ADAMTS20: variants seen among roughly 807,000 people sequenced by gnomAD.
ADAMTS20 encodes A disintegrin and metalloproteinase with thrombospondin motifs 20.
A neutral mutation model predicts 260.1 loss-of-function variants in ADAMTS20; 225 were observed. The ratio of observed to expected loss-of-function variants is 0.87; its 90% CI spans 0.78 to 0.97. ADAMTS20 has a LOEUF of 0.97. ADAMTS20 is among the 50% of genes least tolerant of loss of function. The pLI is 0.00. For missense variants in ADAMTS20, 2,400 were observed against 2,337.7 expected (o/e 1.03, Z -0.55); for synonymous variants, 802 against 769.5 (o/e 1.04, Z -0.70).
Position 43,499,132 on chromosome 12 carries a change from C to G in ADAMTS20, c.867+3020G>C, listed in dbSNP as rs1031512342. Among the ~76,000 whole-genome samples the G allele has an allele frequency of 5.9e-5, 9 of 152,208 alleles. No homozygotes were observed. In the South Asian group the frequency reaches 1.9e-3, roughly 32 times the overall value. ...CAAAGTATCTCAAAAGGGAGACTTA[C>G]CCTCCTTAATTTTTCCTCCTACCCC... On this transcript the variant is annotated intron_variant, in intron 4 of 38. Transcript: ENST00000389420.
intron 7 of ADAMTS20, among the ~76,000 whole-genome samples, chr12:43,485,135 A>G (rs1942504320): frequency 6.6e-6 from 1 of 150,700 alleles, no homozygotes; most frequent in South Asian, 2.1e-4. Context: ...CAACAAAACC[A>G]CTACTGAACA....
Position 43,366,049 on chromosome 12 carries a change from G to C in ADAMTS20, c.5538+3241C>G, listed in dbSNP as rs74082608. On this transcript the variant is annotated intron_variant, in intron 37 of 38. Transcript: ENST00000389420. ...ATGTAAATCCAGACATAGCGATAGT[G>C]ATGTTAAAAAAATCCAATCAAAGGC... 6.3e-3 allele frequency among the ~76,000 whole-genome samples: 952 copies of C among 151,818 alleles called. 16 individuals carry two copies. The highest frequency in any genetic ancestry group is 0.02 in the Middle Eastern group (6 of 294).
intron 3 of ADAMTS20, among the ~76,000 whole-genome samples, chr12:43,513,895 AC>A (rs796924943): frequency 1.6e-5 from 2 of 125,532 alleles, no homozygotes; most frequent in African/African-American, 6.0e-5. Context: ...GGAACATCAC[AC>A]CCCCAGGCCT....
At chr12:43,465,508 T>A (rs1238938454) in intron 9 of ADAMTS20, among the ~76,000 whole-genome samples, 1 of 152,130 alleles carries the variant, frequency 6.6e-6, no homozygotes, top group Non-Finnish European at 1.5e-5. Flanking sequence ...TGTGGAAATA[T>A]ACAGCTATTC....
chr12:43,440,107 A>G, intron 16 of ADAMTS20, 38 bp from the exon 17 acceptor site: 1 of 1,383,164 alleles, frequency 7.2e-7, no homozygotes, highest in Non-Finnish European at 9.8e-7. Flanking sequence ...AAATAGTAAC[A>G]CCAATCAACA....
At chr12:43,526,463 A>T (rs552970180) in intron 3 of ADAMTS20, among the ~76,000 whole-genome samples, 4 of 152,314 alleles carry the variant, frequency 2.6e-5, no homozygotes, top group African/African-American at 9.6e-5. Flanking sequence ...GTCTCAAAAA[A>T]AAAATAGGAA....
intron 29 of ADAMTS20, among the ~76,000 whole-genome samples, chr12:43,385,258 T>C (rs1940447261): frequency 6.6e-6 from 1 of 152,246 alleles, no homozygotes; most frequent in Admixed American, 6.5e-5. Context: ...ATGTCTTCTT[T>C]TGAAAAGGGT....
At chr12:43,487,029 A>C (rs117756676) in intron 7 of ADAMTS20, among the ~76,000 whole-genome samples, 4,225 of 152,286 alleles carry the variant, frequency 0.028, 92 homozygotes, top group African/African-American at 0.054. Context: ...TTCTCAAAGA[A>C]CTAAAAATAG....
chr12:43,420,921 C>T (rs1332031837), intron 28 of ADAMTS20, among the ~76,000 whole-genome samples: 2 of 149,986 alleles, frequency 1.3e-5, no homozygotes, highest in African/African-American at 4.9e-5. Flanking sequence ...GATTCTTCTG[C>T]CTCAGCCTCC....
rs762006889 is a variant in ADAMTS20 at position 43,550,913 on chromosome 12, C to A, written c.449G>T (p.Gly150Val). 75 of 1,553,706 alleles carry A rather than the reference C, an allele frequency of 4.8e-5. No individual in the cohort carries two copies. Among genetic ancestry groups the A allele is most frequent in the South Asian group, 1.5e-4 (12 of 82,624 alleles). Residue 150 changes from glycine (G) to valine (V), a missense_variant, in exon 2 of 39, where the codon GGC becomes GTC. Physicochemically the swap from Gly to Val is moderately radical, Grantham distance 109 (BLOSUM62 -3). Coordinates refer to ENST00000389420, the MANE Select transcript of ADAMTS20 (RefSeq NM_025003.5). ...DYKAVVSLCG[G>V]LTGTFKGQNG... The stretch of plus-strand genomic sequence containing the variant: ...AAGGGACCCGAGGACACTCACCAGG[C>A]CTCCGCATAAGCTGACGACGGCCTT...
At chr12:43,391,495 T>G (rs1051941675) in intron 29 of ADAMTS20, among the ~76,000 whole-genome samples, 3 of 152,174 alleles carry the variant, frequency 2.0e-5, no homozygotes, top group Non-Finnish European at 4.4e-5. Context: ...AGTAAAGCCA[T>G]ATAATAACAG....
chr12:43,469,065 T>C (rs1592085027), intron 7 of ADAMTS20, among the ~76,000 whole-genome samples: 1 of 152,080 alleles, frequency 6.6e-6, no homozygotes, highest in Non-Finnish European at 1.5e-5. Flanking sequence ...ATGTGTTGAT[T>C]GGTAATAGAA....
chr12:43,374,208 G>T (rs1264673544), intron 36 of ADAMTS20, among the ~76,000 whole-genome samples: 1 of 152,022 alleles, frequency 6.6e-6, no homozygotes, highest in Non-Finnish European at 1.5e-5. Context: ...GTAGTAGATG[G>T]TGGATGTTCA....
intron 28 of ADAMTS20, among the ~76,000 whole-genome samples, chr12:43,421,136 A>C (rs1206648424): frequency 6.6e-6 from 1 of 151,614 alleles, no homozygotes; most frequent in Non-Finnish European, 1.5e-5. Context: ...CAGTGCTTCT[A>C]TTTGTTGCAT....
chr12:43,394,424 C>CTGTTAATG, intron 29 of ADAMTS20, among the ~76,000 whole-genome samples: 1 of 152,234 alleles, frequency 6.6e-6, no homozygotes, highest in Middle Eastern at 3.4e-3. Context: ...CATCATCCTT[C>CTGTTAATG]TGTTAATGTA....
At chr12:43,408,907 A>G (rs946052982) in intron 28 of ADAMTS20, among the ~76,000 whole-genome samples, 2 of 152,060 alleles carry the variant, frequency 1.3e-5, no homozygotes, top group Non-Finnish European at 2.9e-5. Context: ...GTCAGAAGCT[A>G]TGATAATAAT....
chr12:43,377,602 C>T (rs1940259044), intron 31 of ADAMTS20, 40 bp from the exon 32 acceptor site: 1 of 1,545,772 alleles, frequency 6.5e-7, no homozygotes, highest in Non-Finnish European at 8.8e-7. Context: ...ATGTCATTAA[C>T]TTTAGCCAGG....
At position 43,466,613 on chromosome 12, in the gene ADAMTS20, T is replaced by C. The variant is rs766380662; in HGVS notation, c.1367+39A>G. On this transcript the variant is annotated intron_variant, in intron 9 of 38. Transcript: ENST00000389420. The stretch of plus-strand genomic sequence containing the variant: ...AAAATATCAATTTCAAATCTTATAA[T>C]CGAATACATGTTCAATTATTTAACA... The C allele has an allele frequency of 2.6e-6, 4 of 1,556,178 alleles. No individual in the cohort carries two copies. In the South Asian group the frequency reaches 4.7e-5, roughly 18 times the overall value.
At chr12:43,404,386 A>G (rs1426668003) in intron 28 of ADAMTS20, among the ~76,000 whole-genome samples, 1 of 152,194 alleles carries the variant, frequency 6.6e-6, no homozygotes, top group Non-Finnish European at 1.5e-5. Context: ...CTGGCACCAC[A>G]TGAACTGATT....
Sources: allele counts gnomAD v4.1 joint callset (sites outside exome capture counted in the v4.1 genomes callset), GRCh38; gene constraint gnomAD v4.1.1; transcripts MANE v1.5; gene names NCBI Gene and HGNC (gene_info 2026-07-23, HGNC 2026-07-21).